PKIG: variants seen among roughly 807,000 people sequenced by gnomAD.
PKIG encodes cAMP-dependent protein kinase inhibitor gamma.
Under a neutral mutation model 6.8 loss-of-function variants are expected in PKIG, and 1 was observed. The ratio of observed to expected loss-of-function variants is 0.15; its 90% CI spans 0.05 to 0.69. The LOEUF is 0.69. Ranked by LOEUF, PKIG falls within the 30% of genes least tolerant of loss-of-function variation. The pLI, the probability that PKIG is intolerant of heterozygous loss-of-function variation, is 0.82. For missense variants in PKIG, 77 were observed against 104.0 expected, an observed-to-expected ratio of 0.74 and a Z score of 1.13; for synonymous variants, 39 against 43.0, an observed-to-expected ratio of 0.91 and a Z score of 0.36.
intron 1 of PKIG, among the ~76,000 whole-genome samples, chr20:44,568,992 G>A (rs2064832601): frequency 6.6e-6 from 1 of 152,104 alleles, no homozygotes; most frequent in Non-Finnish European, 1.5e-5. Flanking sequence ...TAAGATGAGT[G>A]GGTCAGAGAG....
chr20:44,613,861 C>T (rs1429098257), intron 2 of PKIG, among the ~76,000 whole-genome samples: 3 of 152,218 alleles, frequency 2.0e-5, no homozygotes, highest in African/African-American at 7.2e-5. Context: ...TGTGGTCTGG[C>T]TCCTGCCTAC....
In PKIG at chr20:44,538,831, C is replaced by T. The variant is rs373916343; in HGVS notation, c.-241+6853C>T. ...CAAGATGGAGTCTCGCTATGTTGCTCATGCTGTACTTGAACTCCTAGGTTC... is the reference window on the plus strand; with the variant it reads ...CAAGATGGAGTCTCGCTATGTTGCTTATGCTGTACTTGAACTCCTAGGTTC... On this transcript the variant is annotated intron_variant, in intron 1 of 4. Transcript: ENST00000372887. Among the ~76,000 whole-genome samples the T allele has an allele frequency of 3.9e-5, 6 of 152,104 alleles. No homozygotes were observed. In the South Asian group the frequency reaches 1.2e-3, roughly 32 times the overall value.
intron 1 of PKIG, among the ~76,000 whole-genome samples, chr20:44,535,086 T>C (rs1387440081): frequency 6.6e-6 from 1 of 151,958 alleles, no homozygotes; most frequent in African/African-American, 2.4e-5. Context: ...CAAACAAAAA[T>C]AGAAAATGTA....
chr20:44,541,200 A>G (rs748106197), intron 1 of PKIG, among the ~76,000 whole-genome samples: 5 of 152,228 alleles, frequency 3.3e-5, no homozygotes, highest in Non-Finnish European at 7.3e-5. Flanking sequence ...GACATCGGCA[A>G]TGAAGGACTA....
At chr20:44,573,677 A>G (rs1600863458) in intron 1 of PKIG, among the ~76,000 whole-genome samples, 1 of 152,368 alleles carries the variant, frequency 6.6e-6, no homozygotes, top group East Asian at 1.9e-4. Flanking sequence ...AATGTCTCTC[A>G]GCCTCAACCT....
intron 2 of PKIG, among the ~76,000 whole-genome samples, chr20:44,600,986 C>T (rs1173871050): frequency 6.6e-6 from 1 of 151,960 alleles, no homozygotes; most frequent in Non-Finnish European, 1.5e-5. Flanking sequence ...GGATAAGAGC[C>T]CCTCGGGAGC....
chr20:44,536,690 G>A (rs1299202461), intron 1 of PKIG, among the ~76,000 whole-genome samples: 1 of 152,196 alleles, frequency 6.6e-6, no homozygotes, highest in Non-Finnish European at 1.5e-5. Flanking sequence ...ACCATTGAAA[G>A]GAAGTGAAAT....
At chr20:44,590,767 C>T (rs1003629657) in intron 2 of PKIG, among the ~76,000 whole-genome samples, 3 of 152,140 alleles carry the variant, frequency 2.0e-5, no homozygotes, top group East Asian at 1.9e-4. Flanking sequence ...TGGGGATGAG[C>T]GCATCGCTCT....
At chr20:44,575,183 G>C (rs192245247) in intron 1 of PKIG, among the ~76,000 whole-genome samples, 9 of 152,254 alleles carry the variant, frequency 5.9e-5, no homozygotes, top group Admixed American at 5.9e-4. Context: ...CTCCCAAGTA[G>C]CTGGGATTAC....
In PKIG at chr20:44,563,386, T is replaced by C. The variant is rs893228745; in HGVS notation, c.-240-19199T>C. 5.9e-5 allele frequency among the ~76,000 whole-genome samples: 9 copies of C among 152,098 alleles called. No homozygotes were observed. In the East Asian group the frequency reaches 9.6e-4, roughly 16 times the overall value. ...CTTAGAACAACTGATTTTTTTTTTT[T>C]CCAGAGATTCTGTGGGTCGGAAGTT... On this transcript the variant is annotated intron_variant, in intron 1 of 4. Transcript: ENST00000372887.
At chr20:44,581,227 C>T (rs933607394), upstream of PKIG, among the ~76,000 whole-genome samples, 108 of 152,206 alleles carry the variant, frequency 7.1e-4, no homozygotes, top group African/African-American at 2.5e-3. Context: ...ATAATGTAGC[C>T]TCATAGCACT....
At chr20:44,539,160 C>T (rs2064538075) in intron 1 of PKIG, among the ~76,000 whole-genome samples, 1 of 152,154 alleles carries the variant, frequency 6.6e-6, no homozygotes, top group African/African-American at 2.4e-5. Flanking sequence ...AACTCCTGAC[C>T]TCAGGTGATC....
At chr20:44,584,424 T>G (rs2064972495) in intron 1 of PKIG, among the ~76,000 whole-genome samples, 1 of 151,488 alleles carries the variant, frequency 6.6e-6, no homozygotes, top group African/African-American at 2.4e-5. Flanking sequence ...TTTGCCCCTC[T>G]TTCATCATTT....
At chr20:44,558,164 C>G (rs2064731776) in intron 1 of PKIG, among the ~76,000 whole-genome samples, 1 of 152,154 alleles carries the variant, frequency 6.6e-6, no homozygotes, top group African/African-American at 2.4e-5. Flanking sequence ...GAGTCCTATT[C>G]TAATATACGG....
At chr20:44,562,791 G>T (rs1015890743) in intron 1 of PKIG, among the ~76,000 whole-genome samples, 7 of 152,124 alleles carry the variant, frequency 4.6e-5, no homozygotes, top group Admixed American at 4.6e-4. Context: ...GGGCATGGTG[G>T]CTCACGCCTG....
rs551126579 is a variant in PKIG at position 44,572,939 on chromosome 20, A to G, written c.-240-9646A>G. 2.6e-5 allele frequency among the ~76,000 whole-genome samples: 4 copies of G among 152,328 alleles called. No individual in the cohort carries two copies. In the South Asian group the frequency reaches 6.2e-4, roughly 24 times the overall value. On this transcript the variant is annotated intron_variant, in intron 1 of 4. Coordinates refer to the PKIG transcript ENST00000372887. ...GTTTCATAAACATGCCTCTGCTCTG[A>G]TGAGTAGCGCTGATCTAAGAAGATT...
upstream of PKIG, among the ~76,000 whole-genome samples, chr20:44,581,497 T>TC (rs2064947875): frequency 6.6e-6 from 1 of 152,178 alleles, no homozygotes; most frequent in Non-Finnish European, 1.5e-5. Context: ...TGCATGTCAC[T>TC]CGCTCCCCAT....
intron 1 of PKIG, among the ~76,000 whole-genome samples, chr20:44,534,481 T>A (rs1279375380): frequency 6.6e-6 from 1 of 152,076 alleles, no homozygotes; most frequent in African/African-American, 2.4e-5. Flanking sequence ...TCTTTTTTTT[T>A]TTTTTGGGAC....
intron 1 of PKIG, among the ~76,000 whole-genome samples, chr20:44,588,496 T>G (rs2065008513): frequency 2.0e-5 from 3 of 151,200 alleles, no homozygotes; most frequent in Admixed American, 2.0e-4. Context: ...ATACAAAAAT[T>G]AGCCGGGCGC....
Sources: gnomAD v4.1 joint callset for allele counts (sites outside exome capture counted in the v4.1 genomes callset) on GRCh38, gnomAD v4.1.1 for gene constraint, MANE v1.5 for transcripts, NCBI Gene and HGNC (gene_info 2026-07-23, HGNC 2026-07-21) for gene names.